The following ANXA13 variants were observed in gnomAD, a reference collection of about 807,000 sequenced individuals.
The protein encoded by ANXA13 is annexin A13.
A neutral mutation model predicts 46.6 loss-of-function variants in ANXA13; 36 were observed. The ratio of observed to expected loss-of-function variants is 0.77; its 90% confidence interval spans 0.59 to 1.02. The LOEUF (loss-of-function observed/expected upper bound fraction) is 1.02. ANXA13 is among the 50% of genes least tolerant of loss of function. ANXA13 has a pLI of 0.00. For missense variants in ANXA13, 417 were observed against 396.5 expected, an observed-to-expected ratio of 1.05 and a Z score of -0.44; for synonymous variants, 163 against 152.9, an observed-to-expected ratio of 1.07 and a Z score of -0.49.
intron 1 of ANXA13, 85 bp from the exon 2 acceptor site, chr8:123,712,838 C>G (rs112304259): frequency 5.0e-5 from 59 of 1,169,742 alleles, no homozygotes; most frequent in Non-Finnish European, 6.4e-5. Context: ...AACTGGAGGA[C>G]CAAATAGTCA....
At chr8:123,700,667 A>G (rs942215060) in intron 3 of ANXA13, among the ~76,000 whole-genome samples, 1 of 152,210 alleles carries the variant, frequency 6.6e-6, no homozygotes, top group Non-Finnish European at 1.5e-5. Context: ...TAGACTAAAG[A>G]CTAAAGATTA....
At chr8:123,702,583 A>G in intron 3 of ANXA13, 59 bp downstream of exon 3, 2 of 1,384,296 alleles carry the variant, frequency 1.4e-6, no homozygotes, top group East Asian at 2.3e-5. Flanking sequence ...GGACATGAGG[A>G]AGCCGAGACG....
At chr8:123,694,426 A>AGGTC (rs1813294738) in intron 6 of ANXA13, among the ~76,000 whole-genome samples, 1 of 152,222 alleles carries the variant, frequency 6.6e-6, no homozygotes, top group Admixed American at 6.5e-5. Flanking sequence ...GAGATGGAAG[A>AGGTC]AGTCAGAGAG....
At chr8:123,684,577 C>T (rs373272781) in intron 10 of ANXA13, 33 bp downstream of exon 10, 11 of 1,449,066 alleles carry the variant, frequency 7.6e-6, no homozygotes, top group Non-Finnish European at 1.1e-5. Flanking sequence ...AGAGAAGTTG[C>T]AGCCGCCTCT....
chr8:123,689,132 G>A lies in ANXA13; in HGVS notation c.643-186C>T, dbSNP rs373385734. On this transcript the variant is annotated intron_variant, in intron 8 of 10. Coordinates refer to ENST00000419625, the MANE Select transcript of ANXA13 (RefSeq NM_004306.4). Reference sequence around the variant, plus strand: ...GCCACCCATTCGAGAGAGGGCTCTCGTTGCTGAGGAGTCAGTCTAGATTTG... The same window carrying A: ...GCCACCCATTCGAGAGAGGGCTCTCATTGCTGAGGAGTCAGTCTAGATTTG... Among the ~76,000 whole-genome samples, 7 of 151,934 alleles carry A rather than the reference G, an allele frequency of 4.6e-5. No homozygotes were observed. The South Asian group carries it at 8.3e-4, about 18-fold the overall frequency.
intron 1 of ANXA13, among the ~76,000 whole-genome samples, chr8:123,715,775 G>T (rs1477325447): frequency 1.3e-5 from 2 of 152,200 alleles, no homozygotes; most frequent in African/African-American, 4.8e-5. Flanking sequence ...AGATCACCTG[G>T]CCAGGCAGCG....
At position 123,693,223 on chromosome 8, in the gene ANXA13, G is replaced by C; in HGVS notation, c.616C>G (p.Arg206Gly). 1.9e-6 allele frequency: 3 copies of C among 1,614,110 alleles called. No individual in the cohort carries two copies. The highest frequency in any genetic ancestry group is 1.7e-6 in the Non-Finnish European group (2 of 1,180,010). ...VLAKRSYKQL[R>G]ATFQAYQILI... ...ATTTGATAGGCTTGAAAGGTGGCTC[G>C]TAACTGCTTGTAGCTCCTCTTGGCC... The change falls in exon 8 of 11, where the codon CGA becomes GGA. Residue 206 changes from arginine to glycine, a missense_variant. Coordinates refer to ENST00000419625, the MANE Select transcript of ANXA13 (RefSeq NM_004306.4).
intron 2 of ANXA13, among the ~76,000 whole-genome samples, chr8:123,711,370 T>C (rs964543385): frequency 2.6e-5 from 4 of 152,180 alleles, no homozygotes; most frequent in Non-Finnish European, 5.9e-5. Flanking sequence ...GTCACCCTCT[T>C]CCAGGCTTCT....
intron 4 of ANXA13, 152 bp downstream of exon 4, chr8:123,698,237 A>T: frequency 4.1e-6 from 3 of 727,150 alleles, no homozygotes; most frequent in East Asian, 5.6e-5. Flanking sequence ...ACTGGAAGAG[A>T]TGTCCTCCCA....
chr8:123,683,902 G>A (rs139515640), intron 10 of ANXA13, among the ~76,000 whole-genome samples: 3 of 152,048 alleles, frequency 2.0e-5, no homozygotes, highest in African/African-American at 7.2e-5. Flanking sequence ...TGATCTTGAC[G>A]GCTGCTCCCA....
rs1813466318 is a variant in ANXA13, at chr8:123,702,684, C to G, written c.144G>C (p.Glu48Asp). The G allele has an allele frequency of 6.2e-7, 1 of 1,614,100 alleles. No homozygotes were observed. Among genetic ancestry groups the G allele is most frequent in the African/African-American group, 1.3e-5 (1 of 75,010 alleles). The change falls in exon 3 of 11, where the codon GAG becomes GAC. Residue 48 changes from glutamate (E) to aspartate (D), a missense_variant. Coordinates refer to ENST00000419625, the MANE Select transcript of ANXA13 (RefSeq NM_004306.4). Reference sequence around the variant, plus strand: ...TGTACTTTTGCTTGATTTGTTGCCTCTCATCTGATGTCCTGCCCGATAAGA... The same window carrying G: ...TGTACTTTTGCTTGATTTGTTGCCTGTCATCTGATGTCCTGCCCGATAAGA... ...IEILSGRTSD[E>D]RQQIKQKYKA...
Position 123,684,652 on chromosome 8 carries a change from G to A in ANXA13, c.789C>T (p.Thr263=), listed in dbSNP as rs144147835. ...CTATGCGAATCAACGTCTCCTCATC[G>A]GTCCCCGCACCCTTCATCGACTTGT... ...RLYKSMKGAG[T]DEETLIRIVV... The change falls in exon 10 of 11, where the codon ACC becomes ACT. Residue 263 remains threonine, a synonymous_variant. Transcript: ENST00000419625. 3.8e-4 allele frequency: 613 copies of A among 1,613,910 alleles called. 1 individual carries two copies. Among genetic ancestry groups the A allele is most frequent in the Non-Finnish European group, 4.3e-4 (505 of 1,179,984 alleles).
At position 123,693,285 on chromosome 8, in the gene ANXA13, C is replaced by T. The variant is rs761674150; in HGVS notation, c.554G>A (p.Arg185His). The change falls in exon 8 of 11, where the codon CGC becomes CAC. Residue 185 changes from arginine to histidine, a missense_variant. Physicochemically the swap from Arg to His is conservative, Grantham distance 29. Transcript: ENST00000419625. ...GAACGCAAGCTCATCAGTGCCCCAG[C>T]GGCCTTCCCCTGCCTCAAGGGTCAA... ...AKDLYDAGEGRWGTDELAFNE... is the reference protein window; with the variant it reads ...AKDLYDAGEGHWGTDELAFNE... The T allele has an allele frequency of 8.1e-6, 13 of 1,613,940 alleles. No individual in the cohort carries two copies. The Admixed American group carries it at 1.5e-4, about 19-fold the overall frequency.
intron 2 of ANXA13, among the ~76,000 whole-genome samples, chr8:123,707,223 G>A (rs1483649982): frequency 6.6e-6 from 1 of 152,166 alleles, no homozygotes; most frequent in South Asian, 2.1e-4. Context: ...GATGAATGAG[G>A]AAGTTTGCAT....
chr8:123,730,157 C>T (rs1344676596), intron 1 of ANXA13, among the ~76,000 whole-genome samples: 2 of 152,202 alleles, frequency 1.3e-5, no homozygotes, highest in Non-Finnish European at 2.9e-5. Context: ...CCACTGCTTC[C>T]GAAGTGCTTG....
chr8:123,717,082 T>A (rs1813770310), intron 1 of ANXA13, among the ~76,000 whole-genome samples: 1 of 152,164 alleles, frequency 6.6e-6, no homozygotes, highest in Non-Finnish European at 1.5e-5. Flanking sequence ...AGGAGACAGA[T>A]AAAAACAGCA....
In ANXA13 at chr8:123,710,050, C is replaced by T. The variant is rs141422625; in HGVS notation, c.91+2628G>A. ...CTGAGATTACAGGTGTGAGCCACTG[C>T]GCCCAGCCAAGTTTCTTATATTAAA... On this transcript the variant is annotated intron_variant, in intron 2 of 10. Transcript: ENST00000419625. Among the ~76,000 whole-genome samples the T allele has an allele frequency of 6.8e-4, 104 of 152,278 alleles. No homozygotes were observed. In the East Asian group the frequency reaches 0.013, roughly 18 times the overall value.
intron 1 of ANXA13, among the ~76,000 whole-genome samples, chr8:123,714,549 CT>C (rs1234680018): frequency 6.6e-6 from 1 of 152,170 alleles, no homozygotes; most frequent in Non-Finnish European, 1.5e-5. Context: ...AGCAAACTTC[CT>C]TGGTCTAAGT....
chr8:123,736,226 T>G (rs1814264860), intron 1 of ANXA13, among the ~76,000 whole-genome samples: 1 of 152,240 alleles, frequency 6.6e-6, no homozygotes, highest in African/African-American at 2.4e-5. Context: ...AGTAACAGTT[T>G]ACAGAAAGTT....
Sources: allele counts gnomAD v4.1 joint callset (sites outside exome capture counted in the v4.1 genomes callset), GRCh38; gene constraint gnomAD v4.1.1; transcripts MANE v1.5; gene names NCBI Gene and HGNC (gene_info 2026-07-23, HGNC 2026-07-21).